The following COX6B1 variants were observed in gnomAD, a reference collection of about 807,000 sequenced individuals.
The protein encoded by COX6B1 is COX VIb-1.
In COX6B1, 2 loss-of-function variants were observed where a neutral mutation model predicts 14.0. The observed-to-expected ratio is 0.14, with a 90% CI of 0.06 to 0.45. The LOEUF (loss-of-function observed/expected upper bound fraction) is 0.45. Ranked by LOEUF, COX6B1 falls within the 20% of genes least tolerant of loss-of-function variation. The pLI, the probability that COX6B1 is intolerant of heterozygous loss-of-function variation, is 0.98. For synonymous variants in COX6B1, 30 were observed against 39.7 expected, an observed-to-expected ratio of 0.76 and a Z score of 0.92; for missense variants, 81 against 114.2, an observed-to-expected ratio of 0.71 and a Z score of 1.33.
At chr19:35,657,992 G>C (rs1298551893) in intron 3 of COX6B1, among the ~76,000 whole-genome samples, 1 of 151,832 alleles carries the variant, frequency 6.6e-6, no homozygotes, top group African/African-American at 2.4e-5. Flanking sequence ...GGGTCTTGCC[G>C]TGTTGTCCAG....
rs1426937933 is a variant in COX6B1, at chr19:35,658,576, A to G, written c.208-18A>G. The stretch of plus-strand genomic sequence containing the variant: ...TCAGTTTCCCCACTGCGGAGGGAAT[A>G]ACACTGTCTTTCCACAGGTCACAGA... On this transcript the variant is annotated intron_variant, in intron 3 of 3. Coordinates refer to ENST00000649813, the MANE Select transcript of COX6B1 (RefSeq NM_001863.5). 1.2e-6 allele frequency: 2 copies of G among 1,612,104 alleles called. No homozygotes were observed. Among genetic ancestry groups the G allele is most frequent in the Non-Finnish European group, 1.7e-6 (2 of 1,178,324 alleles).
rs1967822407 is a variant in COX6B1, at chr19:35,651,325, A to G, written c.82A>G (p.Arg28Gly). ...DSRFPNQNQT[R>G]NCWQNYLDFH... ...CCGCTTCCCCAACCAGAACCAGACTAGAAACTGCTGGCAGAACTACCTGGG... is the reference window on the plus strand; with the variant it reads ...CCGCTTCCCCAACCAGAACCAGACTGGAAACTGCTGGCAGAACTACCTGGG... Residue 28 changes from arginine (R) to glycine (G), a missense_variant, in exon 2 of 4, where the codon AGA (arginine) becomes GGA (glycine). Coordinates refer to ENST00000649813, the MANE Select transcript of COX6B1 (RefSeq NM_001863.5). 1 of 1,614,018 alleles carries G rather than the reference A, an allele frequency of 6.2e-7. No homozygotes were observed. Among genetic ancestry groups the G allele is most frequent in the Non-Finnish European group, 8.5e-7 (1 of 1,179,934 alleles).
chr19:35,655,982 C>T (rs1967885190), intron 3 of COX6B1, among the ~76,000 whole-genome samples: 1 of 152,150 alleles, frequency 6.6e-6, no homozygotes, highest in Admixed American at 6.6e-5. Context: ...TGAGCCACCA[C>T]ACCTGGCCCA....
At chr19:35,648,714 C>A (rs1283646894) in intron 1 of COX6B1, 3 of 413,406 alleles carry the variant, frequency 7.3e-6, no homozygotes, top group South Asian at 3.5e-5. Context: ...ACCTACACAG[C>A]GACCAGGATT....
chr19:35,651,248 C>T lies in COX6B1; in HGVS notation c.5C>T (p.Ala2Val), dbSNP rs536033992. The T allele has an allele frequency of 1.2e-6, 2 of 1,613,448 alleles. No individual in the cohort carries two copies. The highest frequency in any genetic ancestry group is 1.1e-5 in the South Asian group (1 of 91,062). The change falls in exon 2 of 4, where the codon GCG becomes GTG. Residue 2 changes from alanine to valine, a missense_variant. By Grantham distance (64) the Ala-to-Val change is moderately conservative (BLOSUM62 0). Transcript: ENST00000649813. ...TCGCCTCCAGGATTCAGCACCATGGCGGAAGACATGGAGACCAAAATCAAG... is the reference window on the plus strand; with the variant it reads ...TCGCCTCCAGGATTCAGCACCATGGTGGAAGACATGGAGACCAAAATCAAG... M[A>V]EDMETKIKNY...
intron 3 of COX6B1, among the ~76,000 whole-genome samples, chr19:35,656,714 C>T (rs904452812): frequency 2.6e-5 from 4 of 152,122 alleles, no homozygotes; most frequent in African/African-American, 7.2e-5. Flanking sequence ...CTCCTGACCT[C>T]AGGTGATGCA....
chr19:35,651,327 A>C lies in COX6B1; in HGVS notation c.84A>C (p.Arg28Ser). The C allele has an allele frequency of 6.2e-7, 1 of 1,613,940 alleles. No individual in the cohort carries two copies. The highest frequency in any genetic ancestry group is 8.5e-7 in the Non-Finnish European group (1 of 1,179,906). Residue 28 changes from arginine (R) to serine (S), a missense_variant, in exon 2 of 4, where the codon AGA becomes AGC. By Grantham distance (110) the Arg-to-Ser change is moderately radical. Transcript: ENST00000649813. ...GCTTCCCCAACCAGAACCAGACTAG[A>C]AACTGCTGGCAGAACTACCTGGGTA... Reference protein sequence around the residue: ...DSRFPNQNQTRNCWQNYLDFH... With the variant: ...DSRFPNQNQTSNCWQNYLDFH...
At chr19:35,651,449 C>T in intron 2 of COX6B1, 100 bp downstream of exon 2, 2 of 864,418 alleles carry the variant, frequency 2.3e-6, no homozygotes, top group Admixed American at 2.0e-5. Flanking sequence ...TTATTCTGAA[C>T]ATCCTTACTC....
In COX6B1 at chr19:35,650,687, G is replaced by A. The variant is rs140421622; in HGVS notation, c.-11-546G>A. On this transcript the variant is annotated intron_variant, in intron 1 of 3. Transcript: ENST00000649813. ...CGTACCAGTGAGCCTGGGTGACAGA[G>A]CAAGACTCTGTCTTAAAAAAAGAAA... 1.9e-4 allele frequency among the ~76,000 whole-genome samples: 29 copies of A among 151,446 alleles called. No homozygotes were observed. In the East Asian group the frequency reaches 5.4e-3, roughly 28 times the overall value.
At chr19:35,656,166 G>A (rs577221738) in intron 3 of COX6B1, among the ~76,000 whole-genome samples, 1 of 152,210 alleles carries the variant, frequency 6.6e-6, no homozygotes, top group South Asian at 2.1e-4. Context: ...CCTTTAACTT[G>A]GCAATTCCAC....
intron 2 of COX6B1, 60 bp from the exon 3 acceptor site, chr19:35,654,511 A>G: frequency 6.6e-7 from 1 of 1,518,234 alleles, no homozygotes. Context: ...CTACCTCAAA[A>G]AAAAAAAAAA....
chr19:35,657,121 A>G (rs1408797189), intron 3 of COX6B1, among the ~76,000 whole-genome samples: 1 of 151,990 alleles, frequency 6.6e-6, no homozygotes, highest in Non-Finnish European at 1.5e-5. Context: ...TATTTCTGTT[A>G]TTATTACATT....
chr19:35,650,716 A>AT (rs1181452304), intron 1 of COX6B1, among the ~76,000 whole-genome samples: 4 of 151,894 alleles, frequency 2.6e-5, no homozygotes, highest in Non-Finnish European at 5.9e-5. Flanking sequence ...AAAGAAAAAA[A>AT]AAAACATTCA....
intron 3 of COX6B1, among the ~76,000 whole-genome samples, chr19:35,655,105 C>T (rs1967873098): frequency 6.6e-6 from 1 of 150,886 alleles, no homozygotes; most frequent in African/African-American, 2.4e-5. Context: ...TCTTGCCTCA[C>T]TGCAACCTCC....
rs577058251 is a variant in COX6B1 at position 35,649,855 on chromosome 19, C to A, written c.-11-1378C>A. Among the ~76,000 whole-genome samples, 3 of 152,152 alleles carry A rather than the reference C, an allele frequency of 2.0e-5. No individual in the cohort carries two copies. The South Asian group carries it at 6.2e-4, about 32-fold the overall frequency. The stretch of plus-strand genomic sequence containing the variant: ...CAGGCTGGTCTTGAACTCCTGGGCT[C>A]AAGCGATCCTCCCACCTCAGCATTC... On this transcript the variant is annotated intron_variant, in intron 1 of 3. Transcript: ENST00000649813.
At chr19:35,654,392 C>T (rs1030943803) in intron 2 of COX6B1, among the ~76,000 whole-genome samples, 179 bp from the exon 3 acceptor site, 2 of 151,964 alleles carry the variant, frequency 1.3e-5, no homozygotes, top group Non-Finnish European at 2.9e-5. Context: ...GTAATCCCAG[C>T]TACTTGAGAG....
At chr19:35,653,287 A>G (rs1360059387) in intron 2 of COX6B1, among the ~76,000 whole-genome samples, 2 of 115,388 alleles carry the variant, frequency 1.7e-5, no homozygotes, top group African/African-American at 6.8e-5. Context: ...TTATTTATTT[A>G]TTTGAGACAG....
chr19:35,655,917 G>C (rs375871113), intron 3 of COX6B1, among the ~76,000 whole-genome samples: 1 of 146,168 alleles, frequency 6.8e-6, no homozygotes, highest in African/African-American at 2.4e-5. Context: ...GAGTGCAGTA[G>C]CATGATCTCA....
At chr19:35,652,289 C>A (rs1356962877) in intron 2 of COX6B1, among the ~76,000 whole-genome samples, 1 of 150,554 alleles carries the variant, frequency 6.6e-6, no homozygotes, top group Non-Finnish European at 1.5e-5. Flanking sequence ...CCTCGGCCTC[C>A]CAAAATGCTG....
Sources: gnomAD v4.1 joint callset for allele counts (sites outside exome capture counted in the v4.1 genomes callset) on GRCh38, gnomAD v4.1.1 for gene constraint, MANE v1.5 for transcripts, NCBI Gene and HGNC (gene_info 2026-07-23, HGNC 2026-07-21) for gene names.